Variants in SPIDR observed in about 807,000 individuals in gnomAD.
The protein encoded by SPIDR is DNA repair-scaffolding protein.
A neutral mutation model predicts 104.6 loss-of-function variants in SPIDR; 93 were observed. The ratio of observed to expected loss-of-function variants is 0.89; its 90% confidence interval spans 0.75 to 1.06. The LOEUF (loss-of-function observed/expected upper bound fraction) is 1.06, where lower values mean the gene tolerates loss of function less well. Ranked by LOEUF, SPIDR falls within the 50% of genes least tolerant of loss-of-function variation. The pLI is 0.00. For synonymous variants in SPIDR, 431 were observed against 416.9 expected, an observed-to-expected ratio of 1.03 and a Z score of -0.41; for missense variants, 1,154 against 1,111.2, an observed-to-expected ratio of 1.04 and a Z score of -0.55.
rs554438982 is a variant in SPIDR at position 47,453,348 on chromosome 8, C to T, written c.1097+12806C>T. Among the ~76,000 whole-genome samples the T allele has an allele frequency of 1.1e-4, 16 of 152,298 alleles. No homozygotes were observed. The South Asian group carries it at 3.1e-3, about 30-fold the overall frequency. ...ATCGAGCTATGAATGACTTTCTTCA[C>T]AGAGTTGGAGAGGGCTGCTTTGCAG... On this transcript the variant is annotated intron_variant, in intron 8 of 19. Coordinates refer to ENST00000297423, the MANE Select transcript of SPIDR (RefSeq NM_001080394.4).
intron 10 of SPIDR, among the ~76,000 whole-genome samples, chr8:47,645,966 A>C (rs1449564560): frequency 6.6e-6 from 1 of 152,200 alleles, no homozygotes; most frequent in African/African-American, 2.4e-5. Context: ...TTGATTCAAC[A>C]TCCATGGATC....
intron 5 of SPIDR, among the ~76,000 whole-genome samples, chr8:47,373,469 G>T (rs570264890): frequency 1.3e-5 from 2 of 151,992 alleles, no homozygotes; most frequent in Non-Finnish European, 2.9e-5. Flanking sequence ...AAATGTGGCA[G>T]TAGTTTAGGT....
chr8:47,415,691 T>C (rs1233458926), intron 7 of SPIDR, among the ~76,000 whole-genome samples: 1 of 152,222 alleles, frequency 6.6e-6, no homozygotes, highest in Non-Finnish European at 1.5e-5. Flanking sequence ...GCACAGAGTC[T>C]GCCAGAGCGT....
At chr8:47,481,597 C>T (rs1429033649) in intron 8 of SPIDR, among the ~76,000 whole-genome samples, 4 of 152,216 alleles carry the variant, frequency 2.6e-5, no homozygotes, top group African/African-American at 9.6e-5. Context: ...GCCTGTTTTG[C>T]TTACCACTGT....
intron 8 of SPIDR, among the ~76,000 whole-genome samples, chr8:47,503,209 G>A (rs890178233): frequency 3.9e-5 from 6 of 152,118 alleles, no homozygotes; most frequent in Non-Finnish European, 5.9e-5. Flanking sequence ...TTTCTGTCTC[G>A]TTGATATATC....
At chr8:47,642,102 G>A (rs1386054833) in intron 10 of SPIDR, among the ~76,000 whole-genome samples, 1 of 152,182 alleles carries the variant, frequency 6.6e-6, no homozygotes, top group East Asian at 1.9e-4. Context: ...GCCACTGTGT[G>A]TATGGAGCAG....
At position 47,595,947 on chromosome 8, in the gene SPIDR, A is replaced by G. The variant is rs759738176; in HGVS notation, c.1234A>G (p.Ile412Val). 6.8e-6 allele frequency: 11 copies of G among 1,614,050 alleles called. No individual in the cohort carries two copies. The highest frequency in any genetic ancestry group is 2.2e-5 in the East Asian group (1 of 44,890). Residue 412 changes from isoleucine to valine, a missense_variant, in exon 9 of 20, where the codon ATC becomes GTC. Physicochemically the swap from Ile to Val is conservative, Grantham distance 29. Transcript: ENST00000297423. ...CPDIPLPRRS[I>V]SLAQMFVIKG... ...GGACATACCCCTTCCAAGAAGAAGC[A>G]TCTCTTTGGCCCAGATGTTTGTAAT... is the stretch of plus-strand genomic sequence containing the variant.
intron 7 of SPIDR, among the ~76,000 whole-genome samples, chr8:47,416,093 A>T (rs2064230516): frequency 1.3e-5 from 2 of 152,112 alleles, no homozygotes; most frequent in South Asian, 4.1e-4. Context: ...AAAATACAAA[A>T]ATTAGCCAGG....
chr8:47,272,762 G>A (rs761619052), intron 1 of SPIDR, among the ~76,000 whole-genome samples: 2 of 152,024 alleles, frequency 1.3e-5, no homozygotes, highest in South Asian at 2.1e-4. Flanking sequence ...TTAGGCATGC[G>A]GACACATTGA....
intron 10 of SPIDR, among the ~76,000 whole-genome samples, chr8:47,614,991 T>TG (rs2064102910): frequency 6.6e-6 from 1 of 152,202 alleles, no homozygotes; most frequent in Admixed American, 6.5e-5. Flanking sequence ...ATAATATACA[T>TG]GCTTTGCGAA....
At position 47,654,289 on chromosome 8, in the gene SPIDR, G is replaced by T. The variant is rs892956662; in HGVS notation, c.1545-19512G>T. On this transcript the variant is annotated intron_variant, in intron 10 of 19. Coordinates refer to ENST00000297423, the MANE Select transcript of SPIDR (RefSeq NM_001080394.4). ...CCTAATCCATGTAGGTGGCAGGAAG[G>T]GCCACAAGCAAGGCAAGACCGTGAC... 1.0e-5 allele frequency: 7 copies of T among 690,584 alleles called. No individual in the cohort carries two copies. In the African/African-American group the frequency reaches 1.3e-4, roughly 13 times the overall value. The allele number at this position is 690,584 out of a possible 1,614,324, so 42.8% of individuals were successfully genotyped here.
intron 7 of SPIDR, among the ~76,000 whole-genome samples, chr8:47,423,694 C>T (rs1444170594): frequency 6.6e-6 from 1 of 152,164 alleles, no homozygotes. Flanking sequence ...GATGAAATGG[C>T]ATGGGGTGGG....
At chr8:47,680,355 C>T (rs1245098052) in intron 11 of SPIDR, among the ~76,000 whole-genome samples, 1 of 152,206 alleles carries the variant, frequency 6.6e-6, no homozygotes, top group Non-Finnish European at 1.5e-5. Flanking sequence ...CCAGGGTCCA[C>T]CAGCCAGCCC....
At chr8:47,334,552 T>C (rs2049343480) in intron 5 of SPIDR, among the ~76,000 whole-genome samples, 1 of 152,228 alleles carries the variant, frequency 6.6e-6, no homozygotes, top group Non-Finnish European at 1.5e-5. Context: ...TTTAAGTGTA[T>C]TCTGCCTGAA....
At chr8:47,320,469 A>G (rs551791167) in intron 5 of SPIDR, among the ~76,000 whole-genome samples, 51 of 152,270 alleles carry the variant, frequency 3.3e-4, no homozygotes, top group Middle Eastern at 6.8e-3. Flanking sequence ...CTTACCAAAC[A>G]AAAAAAGTCC....
chr8:47,727,295 T>A lies in SPIDR; in HGVS notation c.2435+2T>A. On this transcript the variant is annotated splice_donor_variant, in intron 17 of 19. Transcript: ENST00000297423. LOFTEE classifies it high-confidence loss of function. ...ATTGGAACAGAGGCCGGAAGACAGGTAAGGGGACAGGAGCTGTCCTGAAAG... is the reference window on the plus strand; with the variant it reads ...ATTGGAACAGAGGCCGGAAGACAGGAAAGGGGACAGGAGCTGTCCTGAAAG... 2.5e-6 allele frequency: 4 copies of A among 1,613,616 alleles called. No individual in the cohort carries two copies. Among genetic ancestry groups the A allele is most frequent in the Non-Finnish European group, 3.4e-6 (4 of 1,179,770 alleles).
chr8:47,595,683 C>A, intron 8 of SPIDR, 128 bp from the exon 9 acceptor site: 1 of 780,442 alleles, frequency 1.3e-6, no homozygotes, highest in Non-Finnish European at 2.1e-6. Context: ...AGCTGTGCCT[C>A]TGTGGGTGGG....
chr8:47,713,444 CT>C (rs1336988330), intron 15 of SPIDR, 44 bp from the exon 16 acceptor site: 1 of 1,611,778 alleles, frequency 6.2e-7, no homozygotes, highest in Non-Finnish European at 8.5e-7. Flanking sequence ...GCACAATTCA[CT>C]TTTTCTTCAA....
At chr8:47,357,196 A>G (rs1233546109) in intron 5 of SPIDR, among the ~76,000 whole-genome samples, 1 of 152,200 alleles carries the variant, frequency 6.6e-6, no homozygotes, top group African/African-American at 2.4e-5. Context: ...AAGAGAACAG[A>G]TAAGATTTCT....
Sources: allele counts gnomAD v4.1 joint callset (sites outside exome capture counted in the v4.1 genomes callset), GRCh38; gene constraint gnomAD v4.1.1; transcripts MANE v1.5; gene names NCBI Gene and HGNC (gene_info 2026-07-23, HGNC 2026-07-21).